GUCY1A1: variants seen among roughly 807,000 people sequenced by gnomAD.
GUCY1A1 encodes guanylate cyclase 1 soluble subunit alpha 1.
A neutral mutation model predicts 64.5 loss-of-function variants in GUCY1A1; 48 were observed. That is an observed-to-expected ratio of 0.74 (90% CI 0.59 to 0.95). The LOEUF (loss-of-function observed/expected upper bound fraction) is 0.95. GUCY1A1 is among the 40% of genes least tolerant of loss of function. The pLI, the probability that GUCY1A1 is intolerant of heterozygous loss-of-function variation, is 0.00. For synonymous variants in GUCY1A1, 308 were observed against 303.4 expected (o/e 1.02, Z -0.16); for missense variants, 804 against 825.3 (o/e 0.97, Z 0.32).
chr4:155,707,645 G>A, intron 4 of GUCY1A1, among the ~76,000 whole-genome samples: 1 of 151,354 alleles, frequency 6.6e-6, no homozygotes. Context: ...GTCTGTATTA[G>A]TCTATGTAAA....
chr4:155,712,951 A>G, intron 6 of GUCY1A1, 147 bp from the exon 7 acceptor site: 1 of 634,244 alleles, frequency 1.6e-6, no homozygotes, highest in Admixed American at 2.9e-5. Context: ...GAACTCATAG[A>G]AAATAGGAAC....
At chr4:155,720,375 CTA>C (rs1733818776) in intron 8 of GUCY1A1, among the ~76,000 whole-genome samples, 1 of 144,930 alleles carries the variant, frequency 6.9e-6, no homozygotes, top group Admixed American at 7.0e-5. Context: ...ATCTATCTAT[CTA>C]TCACTTGCTA....
chr4:155,696,975 C>T lies in GUCY1A1; in HGVS notation c.108C>T (p.Ser36=), dbSNP rs147315227. The change falls in exon 3 of 10, where the codon AGC becomes AGT. Residue 36 remains serine (S), a synonymous_variant. Coordinates refer to ENST00000506455, the MANE Select transcript of GUCY1A1 (RefSeq NM_001130682.3). ...PNESSEEAAG[S]SESCKATVPI... is the part of the protein sequence containing the mutation. ...AGTCTTCAGAGGAGGCAGCAGGAAG[C>T]TCAGAGAGCTGCAAAGCAACCGTGC... The T allele has an allele frequency of 1.5e-5, 24 of 1,613,440 alleles. No homozygotes were observed. Among genetic ancestry groups the T allele is most frequent in the Admixed American group, 5.0e-5 (3 of 59,958 alleles).
chr4:155,684,777 A>G (rs1274402519), intron 2 of GUCY1A1, among the ~76,000 whole-genome samples: 5 of 152,172 alleles, frequency 3.3e-5, no homozygotes, highest in African/African-American at 1.2e-4. Flanking sequence ...TCTGATGCCT[A>G]AAACTAGAGA....
At chr4:155,724,653 C>A (rs1734416855) in intron 9 of GUCY1A1, among the ~76,000 whole-genome samples, 1 of 152,094 alleles carries the variant, frequency 6.6e-6, no homozygotes, top group Non-Finnish European at 1.5e-5. Flanking sequence ...ATGTCTACAC[C>A]TTCTCAGTGT....
rs777627531 is a variant in GUCY1A1, at chr4:155,713,573, A to C, written c.1562A>C (p.Asp521Ala). The C allele has an allele frequency of 5.0e-6, 8 of 1,612,748 alleles. 1 individual carries two copies. In the South Asian group the frequency reaches 7.7e-5, roughly 15 times the overall value. Residue 521 changes from aspartate (D) to alanine (A), a missense_variant, in exon 7 of 10, where the codon GAT (aspartate) becomes GCT (alanine). Coordinates refer to ENST00000506455, the MANE Select transcript of GUCY1A1 (RefSeq NM_001130682.3). ...TRFDQQCGEL[D>A]VYKVETIGDA... Reference sequence around the variant, plus strand: ...TTCGACCAGCAGTGTGGAGAGCTGGATGTCTACAAGGTAGGAGTGGACCAG... The same window carrying C: ...TTCGACCAGCAGTGTGGAGAGCTGGCTGTCTACAAGGTAGGAGTGGACCAG...
At chr4:155,711,731 G>A (rs1040059263) in intron 6 of GUCY1A1, among the ~76,000 whole-genome samples, 33 of 152,098 alleles carry the variant, frequency 2.2e-4, no homozygotes, top group African/African-American at 8.0e-4. Context: ...GTCATCTCAT[G>A]GTAGAGAGCT....
At chr4:155,677,734 C>T (rs566397663) in intron 2 of GUCY1A1, among the ~76,000 whole-genome samples, 1 of 152,060 alleles carries the variant, frequency 6.6e-6, no homozygotes, top group Admixed American at 6.6e-5. Context: ...TGCCTGTAAT[C>T]CCAGCTACTT....
At chr4:155,729,884 T>A in intron 9 of GUCY1A1, 146 bp from the exon 10 acceptor site, 1 of 575,508 alleles carries the variant, frequency 1.7e-6, no homozygotes. Flanking sequence ...TGGGAAGATG[T>A]CTGTTAATCT....
At chr4:155,705,976 C>A (rs1003063870) in intron 4 of GUCY1A1, among the ~76,000 whole-genome samples, 1 of 152,202 alleles carries the variant, frequency 6.6e-6, no homozygotes, top group African/African-American at 2.4e-5. Context: ...GCTACTGTGT[C>A]TGTCTGCTTA....
chr4:155,669,694 C>A (rs1437529896), intron 2 of GUCY1A1, among the ~76,000 whole-genome samples: 3 of 151,302 alleles, frequency 2.0e-5, no homozygotes, highest in Admixed American at 1.3e-4. Context: ...ATTTTGTGAC[C>A]GAATTTTAAG....
At chr4:155,708,993 C>T (rs1732175252) in intron 5 of GUCY1A1, among the ~76,000 whole-genome samples, 1 of 152,070 alleles carries the variant, frequency 6.6e-6, no homozygotes, top group Non-Finnish European at 1.5e-5. Context: ...ACATAACTAA[C>T]TCCATCTTTA....
Position 155,711,230 on chromosome 4 carries a change from C to T in GUCY1A1, c.1065C>T (p.Asn355=). ...QFVVRVRRWD[N]SVKKSSRVMD... ...TTGTACGAGTGAGGAGATGGGACAACTCTGTGAAAAAATCTTCAAGGGTAA... is the reference window on the plus strand; with the variant it reads ...TTGTACGAGTGAGGAGATGGGACAATTCTGTGAAAAAATCTTCAAGGGTAA... The change falls in exon 6 of 10, where the codon AAC becomes AAT. Residue 355 remains asparagine, a synonymous_variant. Coordinates refer to ENST00000506455, the MANE Select transcript of GUCY1A1 (RefSeq NM_001130682.3). 6.3e-7 allele frequency: 1 copy of T among 1,578,432 alleles called. No homozygotes were observed. The highest frequency in any genetic ancestry group is 2.2e-5 in the East Asian group (1 of 44,608).
At chr4:155,681,089 G>T (rs1380162645) in intron 2 of GUCY1A1, among the ~76,000 whole-genome samples, 6 of 152,072 alleles carry the variant, frequency 3.9e-5, no homozygotes, top group African/African-American at 1.2e-4. Context: ...AGGCATCTTT[G>T]CTTGGTCCTG....
chr4:155,722,352 C>T (rs755892482), intron 9 of GUCY1A1, 160 bp downstream of exon 9: 275 of 1,427,750 alleles, frequency 1.9e-4, no homozygotes, highest in Non-Finnish European at 2.4e-4. Flanking sequence ...AACTTTTTTA[C>T]ACTGCTTATT....
chr4:155,712,593 T>C (rs1342241976), intron 6 of GUCY1A1, among the ~76,000 whole-genome samples: 1 of 152,124 alleles, frequency 6.6e-6, no homozygotes, highest in Non-Finnish European at 1.5e-5. Context: ...GGAGGCTTTT[T>C]CACTTCCATA....
At position 155,696,999 on chromosome 4, in the gene GUCY1A1, G is replaced by A. The variant is rs1044987767; in HGVS notation, c.132G>A (p.Val44=). 2 of 1,613,686 alleles carry A rather than the reference G, an allele frequency of 1.2e-6. No individual in the cohort carries two copies. Among genetic ancestry groups the A allele is most frequent in the African/African-American group, 2.7e-5 (2 of 74,894 alleles). ...AGSSESCKAT[V]PICQDIPEKN... Reference sequence around the variant, plus strand: ...GCTCAGAGAGCTGCAAAGCAACCGTGCCCATCTGTCAAGACATTCCTGAGA... The same window carrying A: ...GCTCAGAGAGCTGCAAAGCAACCGTACCCATCTGTCAAGACATTCCTGAGA... Residue 44 remains valine, a synonymous_variant, in exon 3 of 10, where the codon GTG becomes GTA. Coordinates refer to ENST00000506455, the MANE Select transcript of GUCY1A1 (RefSeq NM_001130682.3).
chr4:155,696,775 C>T lies in GUCY1A1; in HGVS notation c.-93C>T, dbSNP rs1730463871. 8.4e-7 allele frequency: 1 copy of T among 1,189,368 alleles called. No homozygotes were observed. The highest frequency in any genetic ancestry group is 2.0e-4 in the Middle Eastern group (1 of 4,998). 73.7% of individuals were successfully genotyped at this position (1,189,368 alleles called of 1,614,324 possible). A position where few individuals can be genotyped will look rare whatever the true frequency, so the allele number is the denominator to read the frequency against. ...CCATAGACATCCCAGTTACCAGTGT[C>T]CTTGAATTGATAGTGGCTTCTGTTT... On this transcript the variant is annotated 5_prime_UTR_variant, in exon 3 of 10. Transcript: ENST00000506455.
intron 2 of GUCY1A1, among the ~76,000 whole-genome samples, chr4:155,673,590 GAGGAA>G (rs1349250880): frequency 6.6e-6 from 1 of 151,394 alleles, no homozygotes; most frequent in Non-Finnish European, 1.5e-5. Context: ...ATTCTAGACA[GAGGAA>G]AGGAAAGGAT....
Sources: allele counts gnomAD v4.1 joint callset (sites outside exome capture counted in the v4.1 genomes callset), GRCh38; gene constraint gnomAD v4.1.1; transcripts MANE v1.5; gene names NCBI Gene and HGNC (gene_info 2026-07-23, HGNC 2026-07-21).